The following PLSCR5 variants were observed in gnomAD, a reference collection of about 807,000 sequenced individuals.
The protein encoded by PLSCR5 is phospholipid scramblase family member 5.
A neutral mutation model predicts 33.6 loss-of-function variants in PLSCR5; 44 were observed. That is an observed-to-expected ratio of 1.31 (90% confidence interval 1.03 to 1.69). PLSCR5 has a LOEUF of 1.69. PLSCR5 is among the 40% of genes most tolerant of loss of function. The pLI, the probability that PLSCR5 is intolerant of heterozygous loss-of-function variation, is 0.00. For missense variants in PLSCR5, 375 were observed against 318.7 expected (o/e 1.18, Z -1.34); for synonymous variants, 148 against 112.3 (o/e 1.32, Z -2.01).
intron 2 of PLSCR5, among the ~76,000 whole-genome samples, chr3:146,596,184 C>T (rs73156949): frequency 0.29 from 43,344 of 151,874 alleles, 6,339 homozygotes; most frequent in African/African-American, 0.36. Context: ...AATTTATTTG[C>T]GTTTATTTTA....
chr3:146,593,709 A>C lies in PLSCR5; in HGVS notation c.453+211T>G, dbSNP rs147732030. On this transcript the variant is annotated intron_variant, in intron 4 of 7. Transcript: ENST00000443512. The stretch of plus-strand genomic sequence containing the variant: ...GCATGAGCTGTCTTCAACAGTTTAT[A>C]TCATGAAAGCCACCATAGTTTTTGG... 1.5e-4 allele frequency among the ~76,000 whole-genome samples: 23 copies of C among 152,324 alleles called. No homozygotes were observed. In the East Asian group the frequency reaches 4.2e-3, roughly 28 times the overall value.
intron 7 of PLSCR5, among the ~76,000 whole-genome samples, chr3:146,577,224 TATC>T (rs1288458450): frequency 3.3e-5 from 5 of 152,108 alleles, no homozygotes; most frequent in Non-Finnish European, 1.5e-5. Flanking sequence ...TTTATGTTCT[TATC>T]ATCTTGTTAC....
At chr3:146,581,937 T>C (rs2044635202), downstream of PLSCR5, among the ~76,000 whole-genome samples, 1 of 152,254 alleles carries the variant, frequency 6.6e-6, no homozygotes, top group Non-Finnish European at 1.5e-5. Flanking sequence ...CTAGTTCTCT[T>C]AAACTCACTT....
In PLSCR5 at chr3:146,585,848, A is replaced by C; in HGVS notation, c.*139T>G. Reference sequence around the variant, plus strand: ...TCACAACTAGATAATTGCCTCATTAAACTGTTTTAATAAATATAATAATTA... The same window carrying C: ...TCACAACTAGATAATTGCCTCATTACACTGTTTTAATAAATATAATAATTA... On this transcript the variant is annotated 3_prime_UTR_variant, in exon 8 of 8. Transcript: ENST00000443512. 1 of 353,558 alleles carries C rather than the reference A, an allele frequency of 2.8e-6. No individual in the cohort carries two copies. Among genetic ancestry groups the C allele is most frequent in the South Asian group, 4.5e-5 (1 of 22,332 alleles). The allele number at this position is 353,558 out of a possible 1,614,324, so 21.9% of individuals were successfully genotyped here.
In PLSCR5 at chr3:146,600,483, C is replaced by T. The variant is rs2044803601; in HGVS notation, c.14-20G>A. 1 of 1,544,820 alleles carries T rather than the reference C, an allele frequency of 6.5e-7. No homozygotes were observed. Among genetic ancestry groups the T allele is most frequent in the Admixed American group, 1.9e-5 (1 of 52,744 alleles). On this transcript the variant is annotated intron_variant, in intron 1 of 7. Transcript: ENST00000443512. ...GGGCATCTGCAAGAGAATGGAAATC[C>T]CAATCCATATTTAAATTTAGGCCAT...
intron 2 of PLSCR5, 29 bp downstream of exon 2, chr3:146,600,259 T>C (rs748966633): frequency 1.4e-6 from 2 of 1,456,944 alleles, no homozygotes; most frequent in South Asian, 1.5e-5. Context: ...GGGTAGAACA[T>C]ATCTGTAGTA....
chr3:146,587,700 A>T (rs772985062), intron 6 of PLSCR5, among the ~76,000 whole-genome samples: 3 of 152,110 alleles, frequency 2.0e-5, no homozygotes, highest in Non-Finnish European at 4.4e-5. Flanking sequence ...AGATTTGCAG[A>T]TGAAAATGGG....
intron 6 of PLSCR5, among the ~76,000 whole-genome samples, chr3:146,586,476 G>C (rs1302640477): frequency 6.6e-6 from 1 of 152,144 alleles, no homozygotes; most frequent in Non-Finnish European, 1.5e-5. Flanking sequence ...ATCTAAATCT[G>C]CATAGTATTG....
Position 146,596,402 on chromosome 3 carries a change from G to A in PLSCR5, c.190-1319C>T, listed in dbSNP as rs1273491579. Among the ~76,000 whole-genome samples, 5 of 152,220 alleles carry A rather than the reference G, an allele frequency of 3.3e-5. No individual in the cohort carries two copies. In the South Asian group the frequency reaches 8.3e-4, roughly 25 times the overall value. On this transcript the variant is annotated intron_variant, in intron 2 of 7. Transcript: ENST00000443512. ...CACAGGGTTTTGCCATGTTGGCCAT[G>A]CTGGTCTCAAATTCCTGGCCTCAAG... is the stretch of plus-strand genomic sequence containing the variant.
At position 146,594,111 on chromosome 3, in the gene PLSCR5, A is replaced by G. The variant is rs1285017456; in HGVS notation, c.262T>C (p.Tyr88His). The G allele has an allele frequency of 6.2e-7, 1 of 1,613,500 alleles. No individual in the cohort carries two copies. Among genetic ancestry groups the G allele is most frequent in the South Asian group, 1.1e-5 (1 of 91,076 alleles). The change falls in exon 4 of 8, where the codon TAT becomes CAT. Residue 88 changes from tyrosine to histidine, a missense_variant. Coordinates refer to ENST00000443512, the MANE Select transcript of PLSCR5 (RefSeq NM_001085420.2). ...MILGTETSNK[Y>H]EIKNSLGQRI... ...TGTCCCAAGCTGTTTTTAATCTCAT[A>G]TTTGTTGGAGGTCTCAGTACCAAGT...
intron 1 of PLSCR5, among the ~76,000 whole-genome samples, chr3:146,604,865 C>A (rs1667669020): frequency 6.6e-6 from 1 of 152,064 alleles, no homozygotes; most frequent in Non-Finnish European, 1.5e-5. Context: ...TTCTTCAAAT[C>A]CTTTTAAACT....
chr3:146,605,207 G>C lies in PLSCR5; in HGVS notation c.6C>G (p.Ala2=). The C allele has an allele frequency of 6.2e-7, 1 of 1,611,024 alleles. No individual in the cohort carries two copies. Among genetic ancestry groups the C allele is most frequent in the Non-Finnish European group, 8.5e-7 (1 of 1,178,008 alleles). The change falls in exon 1 of 8, where the codon GCC becomes GCG. Residue 2 remains alanine (A), a synonymous_variant. Coordinates refer to ENST00000443512, the MANE Select transcript of PLSCR5 (RefSeq NM_001085420.2). The part of the protein sequence containing the change: M[A]SKDAQNQRRG... ...GGTTATATTTACTCTTACCTTTAGA[G>C]GCCATGAAGATGTCTGAGTCACTTC...
intron 4 of PLSCR5, among the ~76,000 whole-genome samples, chr3:146,593,566 C>T (rs1011347463): frequency 3.3e-5 from 5 of 152,058 alleles, no homozygotes; most frequent in Non-Finnish European, 5.9e-5. Context: ...TTAGCATTTC[C>T]TGGACTTTGC....
chr3:146,582,829 CT>C (rs1198237610), downstream of PLSCR5, among the ~76,000 whole-genome samples: 11 of 152,316 alleles, frequency 7.2e-5, no homozygotes, highest in Admixed American at 7.2e-4. Context: ...TTCCCAATTA[CT>C]CCTGTAAATA....
chr3:146,601,763 CA>C (rs1475115078), intron 1 of PLSCR5, among the ~76,000 whole-genome samples: 1 of 151,886 alleles, frequency 6.6e-6, no homozygotes, highest in African/African-American at 2.4e-5. Context: ...GTGTGTGGGG[CA>C]GGGGGGTGGT....
chr3:146,591,708 T>C lies in PLSCR5; in HGVS notation c.615+12A>G, dbSNP rs1195967506. 2 of 1,600,168 alleles carry C rather than the reference T, an allele frequency of 1.2e-6. No individual in the cohort carries two copies. The highest frequency in any genetic ancestry group is 1.1e-5 in the South Asian group (1 of 87,386). ...ACCTAAATGAAAACTTCTTTCATTTTGTCAATTGTACCTCAAAATCCACAT... is the reference window on the plus strand; with the variant it reads ...ACCTAAATGAAAACTTCTTTCATTTCGTCAATTGTACCTCAAAATCCACAT... On this transcript the variant is annotated intron_variant, in intron 5 of 7. Transcript: ENST00000443512.
chr3:146,577,478 A>G (rs575416181), intron 7 of PLSCR5, among the ~76,000 whole-genome samples: 2 of 152,272 alleles, frequency 1.3e-5, no homozygotes, highest in South Asian at 4.1e-4. Flanking sequence ...CTCTTAAATG[A>G]CAAATAGAAA....
chr3:146,603,402 A>G (rs567500730), intron 1 of PLSCR5, among the ~76,000 whole-genome samples: 2 of 152,228 alleles, frequency 1.3e-5, no homozygotes, highest in South Asian at 4.1e-4. Flanking sequence ...ATATTCTCCT[A>G]GGTAGTATGA....
At position 146,593,896 on chromosome 3, in the gene PLSCR5, GGACAACCA is replaced by G. The variant is rs2044735335; in HGVS notation, c.453+16_453+23del. ...AAATGCTAATCTTAAAAATCAAAAA[GGACAACCA>G]GAGCCAGTAACTAACCTCTTGTAGG... On this transcript the variant is annotated intron_variant, in intron 4 of 7. Transcript: ENST00000443512. 1.9e-6 allele frequency: 3 copies of G among 1,592,934 alleles called. No individual in the cohort carries two copies. The highest frequency in any genetic ancestry group is 2.6e-6 in the Non-Finnish European group (3 of 1,162,066).
Sources: allele counts gnomAD v4.1 joint callset (sites outside exome capture counted in the v4.1 genomes callset), GRCh38; gene constraint gnomAD v4.1.1; transcripts MANE v1.5; gene names NCBI Gene and HGNC (gene_info 2026-07-23, HGNC 2026-07-21).